The following ITPR2 variants were observed in gnomAD, a reference collection of about 807,000 sequenced individuals.
The protein encoded by ITPR2 is inositol 1,4,5-trisphosphate-gated calcium channel ITPR2.
Under a neutral mutation model 317.1 loss-of-function variants are expected in ITPR2, and 207 were observed. The ratio of observed to expected loss-of-function variants is 0.65; its 90% CI spans 0.58 to 0.73. The LOEUF (loss-of-function observed/expected upper bound fraction) is 0.73. Among genes scored for constraint, ITPR2 ranks in the 30% least tolerant of loss-of-function variants. The pLI, the probability that ITPR2 is intolerant of heterozygous loss-of-function variation, is 0.00. For missense variants in ITPR2, 2,613 were observed against 3,284.0 expected, an observed-to-expected ratio of 0.80 and a Z score of 4.99; for synonymous variants, 1,156 against 1,149.1, an observed-to-expected ratio of 1.01 and a Z score of -0.12.
intron 45 of ITPR2, among the ~76,000 whole-genome samples, chr12:26,465,995 C>T (rs1942162185): frequency 6.6e-6 from 1 of 152,142 alleles, no homozygotes; most frequent in Non-Finnish European, 1.5e-5. Flanking sequence ...TAGGATAAGT[C>T]TATTTTCTGT....
At chr12:26,380,982 C>T (rs572173112) in intron 55 of ITPR2, among the ~76,000 whole-genome samples, 1 of 152,184 alleles carries the variant, frequency 6.6e-6, no homozygotes, top group South Asian at 2.1e-4. Context: ...CTTAACAGAT[C>T]ATGGCAAGGA....
chr12:26,449,229 A>C (rs1941681804), intron 45 of ITPR2, among the ~76,000 whole-genome samples: 2 of 152,166 alleles, frequency 1.3e-5, no homozygotes, highest in Admixed American at 6.6e-5. Flanking sequence ...CTGGAGCCTG[A>C]AGTCAGAATA....
At position 26,415,311 on chromosome 12, in the gene ITPR2, G is replaced by T. The variant is rs368117260; in HGVS notation, c.7298C>A (p.Pro2433His). 32 of 1,600,352 alleles carry T rather than the reference G, an allele frequency of 2.0e-5. No individual in the cohort carries two copies. Among genetic ancestry groups the T allele is most frequent in the Non-Finnish European group, 2.5e-5 (29 of 1,173,836 alleles). Reference protein sequence around the residue: ...MEVDRLKNRTPVTGSHQVPTM... With the variant: ...MEVDRLKNRTHVTGSHQVPTM... ...AGTGGTAATAGCAATACCTGTAACA[G>T]GAGTTCGGTTTTTCAGCCTATCAAC... Residue 2433 changes from proline to histidine, a missense_variant, in exon 51 of 57, where the codon CCT (proline) becomes CAT (histidine). Coordinates refer to ENST00000381340, the MANE Select transcript of ITPR2 (RefSeq NM_002223.4).
chr12:26,814,835 C>A (rs1950822066), intron 1 of ITPR2, among the ~76,000 whole-genome samples: 1 of 152,088 alleles, frequency 6.6e-6, no homozygotes, highest in African/African-American at 2.4e-5. Context: ...ATAAAATACA[C>A]TCTTTATACC....
intron 24 of ITPR2, among the ~76,000 whole-genome samples, chr12:26,622,858 C>A (rs1304650369): frequency 6.6e-6 from 1 of 152,140 alleles, no homozygotes; most frequent in Non-Finnish European, 1.5e-5. Flanking sequence ...CCAGAGTGGC[C>A]ACAGGTGTGG....
At chr12:26,666,862 T>C (rs374610172) in intron 13 of ITPR2, among the ~76,000 whole-genome samples, 2 of 152,368 alleles carry the variant, frequency 1.3e-5, no homozygotes, top group South Asian at 4.1e-4. Flanking sequence ...GCCTGCTCTT[T>C]ATCATTTTCC....
chr12:26,549,011 T>C (rs1013219297), intron 37 of ITPR2, among the ~76,000 whole-genome samples: 1 of 152,216 alleles, frequency 6.6e-6, no homozygotes, highest in Non-Finnish European at 1.5e-5. Context: ...GTCACTTTTA[T>C]TGTGAACCTC....
At chr12:26,556,562 T>TGTGTGTGTGTGTGTGTG (rs1319543594) in intron 35 of ITPR2, among the ~76,000 whole-genome samples, 187 bp from the exon 36 acceptor site, 2 of 99,094 alleles carry the variant, frequency 2.0e-5, no homozygotes, top group African/African-American at 6.4e-5. Context: ...CTCTATTTTT[T>TGTGTGTGTGTGTGTGTG]TTTTTGTGTG....
chr12:26,712,009 GA>G (rs1948650997), intron 8 of ITPR2, among the ~76,000 whole-genome samples: 1 of 152,172 alleles, frequency 6.6e-6, no homozygotes, highest in Non-Finnish European at 1.5e-5. Flanking sequence ...GGCTCACTGG[GA>G]ATGAATGCAG....
At chr12:26,424,435 G>A (rs73081156) in intron 49 of ITPR2, among the ~76,000 whole-genome samples, 19,518 of 152,026 alleles carry the variant, frequency 0.13, 1,932 homozygotes, top group East Asian at 0.37. Context: ...AAACTTTTAA[G>A]TGTAAATTAA....
intron 32 of ITPR2, among the ~76,000 whole-genome samples, chr12:26,595,090 CT>C (rs1945808972): frequency 6.6e-6 from 1 of 152,178 alleles, no homozygotes; most frequent in Non-Finnish European, 1.5e-5. Context: ...GTCAAGACCT[CT>C]TTAGGTCTCT....
At chr12:26,666,123 G>C in intron 13 of ITPR2, 72 bp from the exon 14 acceptor site, 1 of 570,396 alleles carries the variant, frequency 1.8e-6, no homozygotes, top group Non-Finnish European at 2.6e-6. Context: ...ATAGATGATA[G>C]GTAGGTAGGT....
At chr12:26,717,574 A>G (rs1377058908) in intron 5 of ITPR2, among the ~76,000 whole-genome samples, 3 of 152,216 alleles carry the variant, frequency 2.0e-5, no homozygotes, top group African/African-American at 7.2e-5. Context: ...CTCTCTATAT[A>G]CAGTTAAGGA....
At chr12:26,536,419 C>T (rs1944092417) in intron 37 of ITPR2, among the ~76,000 whole-genome samples, 1 of 151,876 alleles carries the variant, frequency 6.6e-6, no homozygotes. Flanking sequence ...CAGTAGAACT[C>T]GAGACTATGA....
At chr12:26,436,904 T>C (rs893808113) in intron 47 of ITPR2, among the ~76,000 whole-genome samples, 11 of 152,208 alleles carry the variant, frequency 7.2e-5, no homozygotes, top group African/African-American at 2.4e-4. Flanking sequence ...ATTATCTACA[T>C]TTTAAACCTT....
chr12:26,355,108 G>A (rs533807673), intron 55 of ITPR2, among the ~76,000 whole-genome samples: 9 of 152,336 alleles, frequency 5.9e-5, no homozygotes, highest in South Asian at 2.1e-4. Flanking sequence ...AGACCTCTAG[G>A]TGGTTGTGAT....
chr12:26,579,947 C>G, intron 33 of ITPR2, 80 bp downstream of exon 33: 1 of 1,179,836 alleles, frequency 8.5e-7, no homozygotes, highest in Non-Finnish European at 1.2e-6. Flanking sequence ...TAGGAGATGA[C>G]TTCCTGACCA....
At chr12:26,497,079 C>T (rs1942950064) in intron 37 of ITPR2, among the ~76,000 whole-genome samples, 1 of 150,898 alleles carries the variant, frequency 6.6e-6, no homozygotes, top group Non-Finnish European at 1.5e-5. Flanking sequence ...CCCATTCTAC[C>T]TTTCAGCTGT....
Position 26,673,932 on chromosome 12 carries a change from ACT to A in ITPR2, c.1410-7883_1410-7882del, listed in dbSNP as rs1476043250. On this transcript the variant is annotated intron_variant, in intron 13 of 56. Transcript: ENST00000381340. ...AAACAGAGAGCCAAATCATGAGTGA[ACT>A]CCCATTCACAATTGCTTCAAAGAGA... Among the ~76,000 whole-genome samples the A allele has an allele frequency of 4.4e-5, 5 of 112,374 alleles. No individual in the cohort carries two copies. The Admixed American group carries it at 5.3e-4, about 12-fold the overall frequency. 73.7% of individuals were successfully genotyped at this position (112,374 alleles called of 152,430 possible). A position where few individuals can be genotyped will look rare whatever the true frequency, so the allele number is the denominator to read the frequency against.
Sources: allele counts gnomAD v4.1 joint callset (sites outside exome capture counted in the v4.1 genomes callset), GRCh38; gene constraint gnomAD v4.1.1; transcripts MANE v1.5; gene names NCBI Gene and HGNC (gene_info 2026-07-23, HGNC 2026-07-21).